CUL2: variants seen among roughly 807,000 people sequenced by gnomAD.
CUL2 encodes the protein cullin-2.
In CUL2, 22 loss-of-function variants were observed where a neutral mutation model predicts 110.2. The observed-to-expected ratio is 0.20, with a 90% CI of 0.14 to 0.28. CUL2 has a LOEUF of 0.28. Ranked by LOEUF, CUL2 falls within the 10% of genes least tolerant of loss-of-function variation. The pLI is 1.00. For missense variants in CUL2, 631 were observed against 905.5 expected, an observed-to-expected ratio of 0.70 and a Z score of 3.89; for synonymous variants, 279 against 293.2, an observed-to-expected ratio of 0.95 and a Z score of 0.49.
Position 35,031,292 on chromosome 10 carries a change from T to C in CUL2, c.1386+8A>G, listed in dbSNP as rs2085474944. ...CTAGGACAATACCACATTAAAGACT[T>C]ACATTACCTTTAATTTGTTGATCAT... is the stretch of plus-strand genomic sequence containing the variant. On this transcript the variant is annotated splice_region_variant and intron_variant, in intron 14 of 20. Coordinates refer to ENST00000374749, the MANE Select transcript of CUL2 (RefSeq NM_003591.4). The surrounding 1 kb of genome is among the most constrained non-coding windows in gnomAD (Gnocchi z 4.4). 1.3e-6 allele frequency: 2 copies of C among 1,543,628 alleles called. No homozygotes were observed. Among genetic ancestry groups the C allele is most frequent in the Admixed American group, 1.9e-5 (1 of 51,724 alleles).
chr10:35,068,916 G>A (rs2086609051), intron 2 of CUL2, among the ~76,000 whole-genome samples: 1 of 152,146 alleles, frequency 6.6e-6, no homozygotes, highest in Non-Finnish European at 1.5e-5. Context: ...TGCCCAGGCT[G>A]TAGTGCAATG....
rs973349191 is a variant in CUL2 at position 35,068,285 on chromosome 10, G to A, written c.119+2914C>T. Among the ~76,000 whole-genome samples, 3 of 151,096 alleles carry A rather than the reference G, an allele frequency of 2.0e-5. No homozygotes were observed. The South Asian group carries it at 6.3e-4, about 32-fold the overall frequency. ...AAAAATACAAAAATTAGCCAGGCAT[G>A]GTGGCGGGCACTTTTAATCCCAGAC... is the stretch of plus-strand genomic sequence containing the variant. On this transcript the variant is annotated intron_variant, in intron 2 of 20. Coordinates refer to ENST00000374749, the MANE Select transcript of CUL2 (RefSeq NM_003591.4).
At chr10:35,025,926 A>T (rs1237566665) in intron 16 of CUL2, among the ~76,000 whole-genome samples, 1 of 152,204 alleles carries the variant, frequency 6.6e-6, no homozygotes, top group African/African-American at 2.4e-5. Context: ...TTTTAGCATG[A>T]TGTACCATAT....
intron 16 of CUL2, among the ~76,000 whole-genome samples, chr10:35,026,467 G>A (rs768559268): frequency 1.1e-4 from 17 of 152,036 alleles, no homozygotes; most frequent in Non-Finnish European, 2.2e-4. Context: ...AAACACTTTC[G>A]GAAATGAGAA....
chr10:35,066,325 C>T (rs1483842829), intron 2 of CUL2, among the ~76,000 whole-genome samples: 5 of 149,260 alleles, frequency 3.3e-5, no homozygotes, highest in South Asian at 2.1e-4. Flanking sequence ...TTTTTTGAGA[C>T]GGAGTTTCGC....
At position 35,013,271 on chromosome 10, in the gene CUL2, G is replaced by C. The variant is rs913667409; in HGVS notation, c.1989+428C>G. Among the ~76,000 whole-genome samples, 55 of 150,132 alleles carry C rather than the reference G, an allele frequency of 3.7e-4. 1 individual carries two copies. The highest frequency in any genetic ancestry group is 3.0e-5 in the Non-Finnish European group (2 of 67,498). On this transcript the variant is annotated intron_variant, in intron 19 of 20. Coordinates refer to ENST00000374749, the MANE Select transcript of CUL2 (RefSeq NM_003591.4). ...GAGGCAGGAGAATGGCGTGAACCCG[G>C]GAGGCAGAGCTTGCAGTGAGCCGAG...
At chr10:35,055,436 A>G (rs1176175696) in intron 4 of CUL2, among the ~76,000 whole-genome samples, 2 of 152,178 alleles carry the variant, frequency 1.3e-5, no homozygotes, top group East Asian at 3.8e-4. Context: ...GGAAACAATT[A>G]AACACATAAT....
chr10:35,126,922 G>T (rs73260847), upstream of CUL2: 4,531 of 152,294 alleles, frequency 0.03, 222 homozygotes, highest in African/African-American at 0.1. Context: ...TTTTCCTCGG[G>T]GCCTCCCCCG....
intron 9 of CUL2, among the ~76,000 whole-genome samples, chr10:35,038,403 G>A (rs1187761159): frequency 6.7e-6 from 1 of 149,848 alleles, no homozygotes; most frequent in African/African-American, 2.4e-5. Context: ...ATGAGCGCCT[G>A]TAATCCCAGC....
chr10:35,061,608 T>C (rs2086383851), intron 3 of CUL2, among the ~76,000 whole-genome samples: 1 of 152,190 alleles, frequency 6.6e-6, no homozygotes, highest in South Asian at 2.1e-4. Context: ...CTAAACACTT[T>C]AAGACCACTT....
intron 1 of CUL2, among the ~76,000 whole-genome samples, chr10:35,080,534 T>C (rs778307189): frequency 2.0e-5 from 3 of 152,046 alleles, no homozygotes; most frequent in Non-Finnish European, 4.4e-5. Flanking sequence ...CCTGGTTCAC[T>C]GCAGCCTTGA....
At chr10:35,087,821 CTG>C in intron 1 of CUL2, among the ~76,000 whole-genome samples, 1 of 152,190 alleles carries the variant, frequency 6.6e-6, no homozygotes, top group Non-Finnish European at 1.5e-5. Context: ...AATCAACAGT[CTG>C]ATTCTCAATC....
At chr10:35,029,118 C>G (rs1161910466) in intron 15 of CUL2, among the ~76,000 whole-genome samples, 8 of 150,656 alleles carry the variant, frequency 5.3e-5, no homozygotes, top group Non-Finnish European at 1.0e-4. Context: ...AATGCAGTGG[C>G]ACGATCTCCG....
intron 14 of CUL2, among the ~76,000 whole-genome samples, chr10:35,030,664 T>C (rs2085457467): frequency 6.6e-6 from 1 of 152,178 alleles, no homozygotes; most frequent in Non-Finnish European, 1.5e-5. Flanking sequence ...ATTATAGGCA[T>C]GAACCACCAC....
At chr10:35,081,391 C>G (rs2086944415) in intron 1 of CUL2, among the ~76,000 whole-genome samples, 1 of 152,154 alleles carries the variant, frequency 6.6e-6, no homozygotes, top group African/African-American at 2.4e-5. Context: ...TTTTCACTTG[C>G]TTTCTCATTT....
chr10:35,107,167 G>A (rs911982293), intron 1 of CUL2, among the ~76,000 whole-genome samples: 1 of 150,768 alleles, frequency 6.6e-6, no homozygotes, highest in Non-Finnish European at 1.5e-5. Flanking sequence ...GTAGAGACGG[G>A]GTTTCACTGT....
chr10:35,020,174 A>T (rs1422889770), intron 17 of CUL2, among the ~76,000 whole-genome samples: 1 of 152,238 alleles, frequency 6.6e-6, no homozygotes, highest in Admixed American at 6.5e-5. Flanking sequence ...TTTAAAAAAA[A>T]AAAAAATAAA....
In CUL2 at chr10:35,013,924, T is replaced by C. The variant is rs1588943764; in HGVS notation, c.1888-124A>G. 4 of 601,798 alleles carry C rather than the reference T, an allele frequency of 6.6e-6. No homozygotes were observed. In the East Asian group the frequency reaches 1.4e-4, roughly 21 times the overall value. 37.3% of individuals were successfully genotyped at this position (601,798 alleles called of 1,614,324 possible). The stretch of plus-strand genomic sequence containing the variant: ...AGCCTCCACTCTCATAACTTTTATA[T>C]TATAGATTACCAAATTTAAGAGAAA... On this transcript the variant is annotated intron_variant, in intron 18 of 20. Transcript: ENST00000374749.
At position 35,044,658 on chromosome 10, in the gene CUL2, C is replaced by G. The variant is rs1300173991; in HGVS notation, c.622G>C (p.Glu208Gln). 1.2e-6 allele frequency: 2 copies of G among 1,607,886 alleles called. No individual in the cohort carries two copies. The highest frequency in any genetic ancestry group is 1.7e-6 in the Non-Finnish European group (2 of 1,178,188). ...FPLKFYQEIF[E>Q]SPFLTETGEY... is the part of the protein sequence containing the mutation. ...CCTGTTTCAGTCAGAAAGGGAGACT[C>G]AAAAATTTCCTGATAAAACTGAATA... Residue 208 changes from glutamate to glutamine, a missense_variant, in exon 8 of 21, where the codon GAG becomes CAG. Glu to Gln is a conservative substitution (Grantham distance 29). Around this residue, in one of 3 missense-constraint regions of CUL2, gnomAD observed 338 missense variants for 442.5 expected, o/e 0.76. Coordinates refer to ENST00000374749, the MANE Select transcript of CUL2 (RefSeq NM_003591.4).
Sources: gnomAD v4.1 joint callset for allele counts (sites outside exome capture counted in the v4.1 genomes callset) on GRCh38, gnomAD v4.1.1 for gene constraint, gnomAD v4.1.1 regional missense constraint, Gnocchi (gnomAD v3.1) non-coding constraint, MANE v1.5 for transcripts, NCBI Gene and HGNC (gene_info 2026-07-23, HGNC 2026-07-21) for gene names.